The following RAB3B variants were observed in gnomAD, a reference collection of about 807,000 sequenced individuals.
RAB3B encodes ras-related protein Rab-3B.
A neutral mutation model predicts 20.5 loss-of-function variants in RAB3B; 11 were observed. The ratio of observed to expected loss-of-function variants is 0.54; its 90% CI spans 0.34 to 0.89. The LOEUF is 0.89. RAB3B is among the 40% of genes least tolerant of loss of function. The pLI is 0.02. For synonymous variants in RAB3B, 99 were observed against 106.3 expected (o/e 0.93, Z 0.42); for missense variants, 225 against 280.9 (o/e 0.80, Z 1.42).
intron 3 of RAB3B, 114 bp downstream of exon 3, chr1:51,937,180 C>T (rs891790547): frequency 1.3e-6 from 1 of 768,474 alleles, no homozygotes; most frequent in Non-Finnish European, 2.1e-6. Flanking sequence ...ACTCCTGAGG[C>T]CAGTAACCAT....
chr1:51,985,676 T>C (rs56353355), intron 1 of RAB3B, among the ~76,000 whole-genome samples: 5,480 of 152,190 alleles, frequency 0.036, 157 homozygotes, highest in Middle Eastern at 0.13. Context: ...AGAGAACGTA[T>C]ATAAGTATGT....
intron 2 of RAB3B, among the ~76,000 whole-genome samples, chr1:51,937,889 G>A (rs67428359): frequency 0.048 from 7,165 of 148,966 alleles, 195 homozygotes; most frequent in Middle Eastern, 0.077. Flanking sequence ...AATTTAATAA[G>A]AATAATTAAA....
intron 1 of RAB3B, among the ~76,000 whole-genome samples, chr1:51,978,173 G>A (rs920075985): frequency 6.6e-6 from 1 of 152,194 alleles, no homozygotes; most frequent in East Asian, 1.9e-4. Context: ...GAGCATCTGG[G>A]CCTTAATGGA....
At chr1:51,959,937 T>TA (rs1366060500) in intron 2 of RAB3B, among the ~76,000 whole-genome samples, 3 of 152,128 alleles carry the variant, frequency 2.0e-5, no homozygotes, top group Non-Finnish European at 4.4e-5. Flanking sequence ...GTTGGGGGTT[T>TA]AGAGTACACG....
Position 51,908,456 on chromosome 1 carries a change from C to T in RAB3B, c.*11471G>A. The T allele has an allele frequency of 6.6e-6, 1 of 152,180 alleles. No homozygotes were observed. Among genetic ancestry groups the T allele is most frequent in the East Asian group, 1.9e-4 (1 of 5,172 alleles). The allele number at this position is 152,180 out of a possible 1,614,324, so 9.4% of individuals were successfully genotyped here. ...GGAATTGAATATGATATGCAAATTG[C>T]ATAAGGTGACATCTCTCTGTGTGGC... is the stretch of plus-strand genomic sequence containing the variant. On this transcript the variant is annotated 3_prime_UTR_variant, in exon 5 of 5. Coordinates refer to ENST00000371655, the MANE Select transcript of RAB3B (RefSeq NM_002867.4).
chr1:51,926,943 T>C, intron 4 of RAB3B, among the ~76,000 whole-genome samples: 1 of 152,206 alleles, frequency 6.6e-6, no homozygotes, highest in East Asian at 1.9e-4. Context: ...ATATACTATG[T>C]ACTATACAGC....
intron 2 of RAB3B, among the ~76,000 whole-genome samples, chr1:51,976,686 T>C (rs1685013830): frequency 6.6e-6 from 1 of 152,178 alleles, no homozygotes; most frequent in Non-Finnish European, 1.5e-5. Flanking sequence ...CCTGGATAGT[T>C]AAACAGCAGA....
rs1491223921 is a variant in RAB3B at position 51,912,554 on chromosome 1, A to AAAATATATATAT, written c.*7372_*7373insATATATATATTT. 1.3e-4 allele frequency: 2 copies of AAAATATATATAT among 15,502 alleles called. No homozygotes were observed. The highest frequency in any genetic ancestry group is 2.9e-4 in the Non-Finnish European group (2 of 6,828). 1.0% of individuals were successfully genotyped at this position (15,502 alleles called of 1,614,324 possible). On this transcript the variant is annotated 3_prime_UTR_variant, in exon 5 of 5. Coordinates refer to ENST00000371655, the MANE Select transcript of RAB3B (RefSeq NM_002867.4). Reference sequence around the variant, plus strand: ...AGACCGTCTCTATTAAAAAAAAAAAAATATATATATATATATATATATATA... The same window carrying AAAATATATATAT: ...AGACCGTCTCTATTAAAAAAAAAAAAAAATATATATATATATATATATATATATATATATATA...
intron 2 of RAB3B, among the ~76,000 whole-genome samples, chr1:51,939,763 C>T (rs935646306): frequency 2.6e-5 from 4 of 152,108 alleles, no homozygotes; most frequent in African/African-American, 9.7e-5. Context: ...TTTGTAGAGA[C>T]AAGGTCTTAC....
At chr1:51,967,515 C>CTTTTTT (rs67927521) in intron 2 of RAB3B, among the ~76,000 whole-genome samples, 3 of 16,436 alleles carry the variant, frequency 1.8e-4, no homozygotes, top group African/African-American at 2.8e-4. Flanking sequence ...CTTTTCTTTT[C>CTTTTTT]TTTTTCTTTT....
At chr1:51,981,706 TGTAC>T (rs1685090617) in intron 1 of RAB3B, among the ~76,000 whole-genome samples, 1 of 152,198 alleles carries the variant, frequency 6.6e-6, no homozygotes, top group African/African-American at 2.4e-5. Flanking sequence ...ACAGACCACA[TGTAC>T]AATGGCGGTC....
chr1:51,945,961 C>T (rs1571966341), intron 2 of RAB3B, among the ~76,000 whole-genome samples: 1 of 152,148 alleles, frequency 6.6e-6, no homozygotes, highest in Non-Finnish European at 1.5e-5. Flanking sequence ...AATAAAAATG[C>T]CTACTTGGTA....
intron 4 of RAB3B, among the ~76,000 whole-genome samples, chr1:51,925,727 T>G (rs1684234998): frequency 6.6e-6 from 1 of 152,282 alleles, no homozygotes; most frequent in South Asian, 2.1e-4. Flanking sequence ...ACATATAATG[T>G]CTCTCTCCCC....
chr1:51,967,343 A>T (rs1039280189), intron 2 of RAB3B, among the ~76,000 whole-genome samples: 8 of 152,004 alleles, frequency 5.3e-5, no homozygotes, highest in East Asian at 1.9e-4. Context: ...TAAATTAAAT[A>T]AAATGAGAGA....
chr1:51,961,645 T>C (rs1557972736), intron 2 of RAB3B, among the ~76,000 whole-genome samples: 2 of 152,222 alleles, frequency 1.3e-5, no homozygotes, highest in African/African-American at 2.4e-5. Context: ...CTGTAAAGTA[T>C]GTAATTGCTG....
rs777773641 is a variant in RAB3B at position 51,977,004 on chromosome 1, G to A, written c.114C>T (p.Phe38=). The change falls in exon 2 of 5, where the codon TTC becomes TTT. Residue 38 remains phenylalanine (F), a synonymous_variant. Transcript: ENST00000371655. ...IGNSSVGKTS[F]LFRYADDTFT... ...ACGTGTCATCAGCATAGCGGAAGAG[G>A]AAGGAGGTCTTGCCAACACTGCTGT... is the stretch of plus-strand genomic sequence containing the variant. 17 of 1,614,212 alleles carry A rather than the reference G, an allele frequency of 1.1e-5. No individual in the cohort carries two copies. In the Admixed American group the frequency reaches 2.7e-4, roughly 25 times the overall value.
chr1:51,936,033 C>T (rs539663913), intron 3 of RAB3B, among the ~76,000 whole-genome samples: 7 of 152,282 alleles, frequency 4.6e-5, no homozygotes, highest in African/African-American at 1.7e-4. Flanking sequence ...GAAGCCAACA[C>T]AATTATGACA....
At chr1:51,987,422 C>T (rs1685166834) in intron 1 of RAB3B, among the ~76,000 whole-genome samples, 1 of 152,096 alleles carries the variant, frequency 6.6e-6, no homozygotes, top group African/African-American at 2.4e-5. Context: ...GGCTTCCTGG[C>T]AAAACTGTTG....
At chr1:51,941,591 G>A (rs907372039) in intron 2 of RAB3B, among the ~76,000 whole-genome samples, 1 of 152,208 alleles carries the variant, frequency 6.6e-6, no homozygotes, top group African/African-American at 2.4e-5. Flanking sequence ...GAAAAACAAA[G>A]ATAGCAGTTG....
Sources: allele counts gnomAD v4.1 joint callset (sites outside exome capture counted in the v4.1 genomes callset), GRCh38; gene constraint gnomAD v4.1.1; transcripts MANE v1.5; gene names NCBI Gene and HGNC (gene_info 2026-07-23, HGNC 2026-07-21).